The following ATXN1 variants were observed in gnomAD, a reference collection of about 807,000 sequenced individuals.
ATXN1 encodes the protein ataxin-1.
Under a neutral mutation model 56.4 loss-of-function variants are expected in ATXN1, and 8 were observed. That is an observed-to-expected ratio of 0.14 (90% CI 0.08 to 0.26). ATXN1 has a LOEUF of 0.26. Among genes scored for constraint, ATXN1 ranks in the 10% least tolerant of loss-of-function variants. ATXN1 has a pLI of 1.00. For missense variants in ATXN1, 987 were observed against 1,106.5 expected, an observed-to-expected ratio of 0.89 and a Z score of 1.53; for synonymous variants, 514 against 494.6, an observed-to-expected ratio of 1.04 and a Z score of -0.52.
At chr6:16,376,357 C>T (rs1205615990) in intron 6 of ATXN1, among the ~76,000 whole-genome samples, 2 of 152,226 alleles carry the variant, frequency 1.3e-5, no homozygotes, top group Admixed American at 1.3e-4. Context: ...AGAAGCAATG[C>T]TCACTTGGGG....
chr6:16,411,991 GAC>G (rs1335985272), intron 6 of ATXN1, among the ~76,000 whole-genome samples: 3 of 152,178 alleles, frequency 2.0e-5, no homozygotes, highest in African/African-American at 7.2e-5. Flanking sequence ...GCTTAGGGAA[GAC>G]ACCCAATAAA....
intron 2 of ATXN1, among the ~76,000 whole-genome samples, chr6:16,681,994 C>T (rs9464934): frequency 0.091 from 13,850 of 152,066 alleles, 2,061 homozygotes; most frequent in African/African-American, 0.31. Context: ...GAACCAGAAG[C>T]GAATCTTGAA....
chr6:16,470,709 C>A (rs1760199935), intron 6 of ATXN1, among the ~76,000 whole-genome samples: 1 of 152,044 alleles, frequency 6.6e-6, no homozygotes, highest in Admixed American at 6.6e-5. Flanking sequence ...GCTGAAATCA[C>A]CATTAAAAAA....
At chr6:16,419,956 G>A (rs1758997818) in intron 6 of ATXN1, among the ~76,000 whole-genome samples, 1 of 152,176 alleles carries the variant, frequency 6.6e-6, no homozygotes, top group African/African-American at 2.4e-5. Flanking sequence ...GGCCTGGGTG[G>A]CCATGATCCG....
At chr6:16,612,524 C>A (rs967883602) in intron 3 of ATXN1, among the ~76,000 whole-genome samples, 1 of 152,132 alleles carries the variant, frequency 6.6e-6, no homozygotes, top group Non-Finnish European at 1.5e-5. Context: ...GTGTAGGCAG[C>A]TTACAGTCAG....
At position 16,468,420 on chromosome 6, in the gene ATXN1, A is replaced by T. The variant is rs552084492; in HGVS notation, c.-161+17552T>A. ...TAGTCAGGATGGTCTTGATTTCCTG[A>T]CATCGTGATCTGCCCGCCTCGGCCT... On this transcript the variant is annotated intron_variant, in intron 6 of 7. Transcript: ENST00000436367. 3.8e-4 allele frequency among the ~76,000 whole-genome samples: 58 copies of T among 152,180 alleles called. 2 individuals carry two copies. The highest frequency in any genetic ancestry group is 3.1e-3 in the Admixed American group (48 of 15,286).
intron 4 of ATXN1, among the ~76,000 whole-genome samples, chr6:16,562,036 A>C (rs1433544267): frequency 6.6e-6 from 1 of 152,192 alleles, no homozygotes; most frequent in East Asian, 1.9e-4. Context: ...AAATGATCAG[A>C]GCAGTAGAGG....
At chr6:16,685,772 T>G (rs1581364108) in intron 2 of ATXN1, among the ~76,000 whole-genome samples, 1 of 152,206 alleles carries the variant, frequency 6.6e-6, no homozygotes, top group Admixed American at 6.5e-5. Context: ...TAAAATGTTC[T>G]CTAAGCATTA....
rs1288173895 is a variant in ATXN1 at position 16,760,367 on chromosome 6, G to C, written c.-730+931C>G. Among the ~76,000 whole-genome samples the C allele has an allele frequency of 6.6e-6, 1 of 151,756 alleles. No individual in the cohort carries two copies. Among genetic ancestry groups the C allele is most frequent in the Non-Finnish European group, 1.5e-5 (1 of 67,850 alleles). On this transcript the variant is annotated intron_variant, in intron 1 of 7. Coordinates refer to ENST00000436367, the MANE Select transcript of ATXN1 (RefSeq NM_001128164.2). The surrounding 1 kb of genome is among the most constrained non-coding windows in gnomAD (Gnocchi z 5.3). ...TCCTCGTCTCCTGCCGCGGGTGCTG[G>C]CGGGGGCGCCGGCCCGGACTGGGGC...
chr6:16,560,485 C>T (rs1762096717), intron 4 of ATXN1, among the ~76,000 whole-genome samples: 1 of 151,956 alleles, frequency 6.6e-6, no homozygotes, highest in Non-Finnish European at 1.5e-5. Context: ...CTATAGTGAG[C>T]TCATCAGACA....
intron 7 of ATXN1, among the ~76,000 whole-genome samples, chr6:16,312,565 G>C (rs1237082067): frequency 6.6e-6 from 1 of 151,974 alleles, no homozygotes; most frequent in African/African-American, 2.4e-5. Context: ...AGACTGATAG[G>C]AGTGGCTGGG....
chr6:16,689,477 C>T (rs1758994963), intron 2 of ATXN1, among the ~76,000 whole-genome samples: 1 of 147,802 alleles, frequency 6.8e-6, no homozygotes, highest in South Asian at 2.2e-4. Context: ...CACACCCAGT[C>T]AATTTTTTCT....
At chr6:16,487,145 G>A (rs1198061836) in intron 5 of ATXN1, among the ~76,000 whole-genome samples, 1 of 152,112 alleles carries the variant, frequency 6.6e-6, no homozygotes, top group Non-Finnish European at 1.5e-5. Flanking sequence ...TTGAGGCAAA[G>A]GAACTTGTAT....
intron 6 of ATXN1, among the ~76,000 whole-genome samples, chr6:16,363,023 C>G (rs1761845085): frequency 6.6e-6 from 1 of 152,202 alleles, no homozygotes; most frequent in Admixed American, 6.5e-5. Flanking sequence ...TATATGTATG[C>G]TGTTCCTTTA....
chr6:16,738,381 T>C (rs991647817), intron 2 of ATXN1: 16 of 152,102 alleles, frequency 1.1e-4, no homozygotes, highest in African/African-American at 3.6e-4. Context: ...GAAGGGCACA[T>C]CCATATTTGT....
intron 6 of ATXN1, among the ~76,000 whole-genome samples, chr6:16,473,463 C>T (rs867821377): frequency 6.6e-5 from 10 of 152,104 alleles, no homozygotes; most frequent in South Asian, 6.2e-4. Context: ...TGGTCCTATC[C>T]GAGGTCAGAG....
At chr6:16,358,941 G>T (rs755600400) in intron 6 of ATXN1, among the ~76,000 whole-genome samples, 1 of 152,180 alleles carries the variant, frequency 6.6e-6, no homozygotes, top group African/African-American at 2.4e-5. Flanking sequence ...TGCCCCTTCC[G>T]AGTTGTCAGG....
intron 6 of ATXN1, among the ~76,000 whole-genome samples, chr6:16,404,655 C>G (rs957783415): frequency 2.0e-5 from 3 of 152,230 alleles, no homozygotes; most frequent in African/African-American, 7.2e-5. Context: ...CTGTCCCCAG[C>G]CCCCACCACA....
At chr6:16,629,532 T>C (rs1032911117) in intron 3 of ATXN1, among the ~76,000 whole-genome samples, 6 of 152,104 alleles carry the variant, frequency 3.9e-5, no homozygotes, top group African/African-American at 1.4e-4. Flanking sequence ...GGTTTCACCA[T>C]GTTTGCAAGG....
Sources: allele counts gnomAD v4.1 joint callset (sites outside exome capture counted in the v4.1 genomes callset), GRCh38; gene constraint gnomAD v4.1.1; non-coding constraint Gnocchi (gnomAD v3.1); transcripts MANE v1.5; gene names NCBI Gene and HGNC (gene_info 2026-07-23, HGNC 2026-07-21).